DNAH5: variants seen among roughly 807,000 people sequenced by gnomAD.
DNAH5 encodes axonemal beta dynein heavy chain 5.
DNAH5 carries 372 observed loss-of-function variants against 518.2 expected under a neutral mutation model. The observed-to-expected ratio is 0.72, with a 90% CI of 0.66 to 0.78. The LOEUF is 0.78. DNAH5 is among the 30% of genes least tolerant of loss of function. The pLI is 0.00. For missense variants in DNAH5, 5,523 were observed against 5,687.0 expected (o/e 0.97, Z 0.93); for synonymous variants, 2,039 against 2,025.9 (o/e 1.01, Z -0.17).
At position 13,776,451 on chromosome 5, in the gene DNAH5, C is replaced by T; in HGVS notation, c.9361G>A (p.Ala3121Thr). The T allele has an allele frequency of 6.2e-7, 1 of 1,613,738 alleles. No individual in the cohort carries two copies. The highest frequency in any genetic ancestry group is 8.5e-7 in the Non-Finnish European group (1 of 1,179,720). The change falls in exon 55 of 79, where the codon GCT (alanine) becomes ACT (threonine). Residue 3121 changes from alanine (A) to threonine (T), a missense_variant. Around this residue, in one of 3 missense-constraint regions of DNAH5, gnomAD observed 5,121 missense variants for 5,223.3 expected, o/e 0.98. Transcript: ENST00000265104. ...IDWFSRWPKD[A>T]LVAVSEHFLT... ...TTTCCATACTAACCAGCAACTAAAG[C>T]ATCTTTGGGCCATCGGCTGAACCAG... is the stretch of plus-strand genomic sequence containing the variant.
chr5:13,976,284 C>G (rs1338477215), intron 1 of DNAH5, among the ~76,000 whole-genome samples: 3 of 152,188 alleles, frequency 2.0e-5, no homozygotes, highest in Non-Finnish European at 4.4e-5. Context: ...CTGCAGCCAA[C>G]AGTTGTCCAA....
chr5:14,007,648 G>T (rs925796937), intron 1 of DNAH5, among the ~76,000 whole-genome samples: 2 of 152,118 alleles, frequency 1.3e-5, no homozygotes, highest in Admixed American at 1.3e-4. Context: ...ATAAGAATCT[G>T]ACAACTATCA....
chr5:13,873,059 A>G (rs1378137182), intron 22 of DNAH5, among the ~76,000 whole-genome samples: 4 of 152,190 alleles, frequency 2.6e-5, no homozygotes, highest in Non-Finnish European at 5.9e-5. Context: ...CTTGGCCACT[A>G]TGCAATCTAT....
intron 5 of DNAH5, among the ~76,000 whole-genome samples, chr5:13,921,742 C>T (rs1294180277): frequency 2.0e-5 from 2 of 102,502 alleles, no homozygotes; most frequent in East Asian, 8.8e-4. Context: ...CATCTGCCGC[C>T]CACACACACC....
intron 1 of DNAH5, among the ~76,000 whole-genome samples, chr5:13,963,564 C>T (rs190473183): frequency 2.8e-4 from 40 of 141,846 alleles, no homozygotes; most frequent in African/African-American, 1.1e-3. Context: ...GGCAACAAAG[C>T]GAGACTCTAT....
intron 1 of DNAH5, among the ~76,000 whole-genome samples, chr5:13,976,925 G>T (rs1782305717): frequency 6.6e-6 from 1 of 152,166 alleles, no homozygotes; most frequent in South Asian, 2.1e-4. Context: ...TATTGGTCTG[G>T]TTATATAAAA....
At chr5:13,780,653 G>A (rs1425162033) in intron 53 of DNAH5, among the ~76,000 whole-genome samples, 176 bp downstream of exon 53, 3 of 152,178 alleles carry the variant, frequency 2.0e-5, no homozygotes, top group African/African-American at 4.8e-5. Flanking sequence ...AATTATGACT[G>A]TGAAATGTTT....
chr5:13,862,078 G>C (rs751348795), intron 29 of DNAH5, among the ~76,000 whole-genome samples: 1 of 151,258 alleles, frequency 6.6e-6, no homozygotes, highest in South Asian at 2.1e-4. Flanking sequence ...AAGGTTTTTC[G>C]AGTAAAATGA....
rs374559122 is a variant in DNAH5 at position 13,866,320 on chromosome 5, G to T, written c.4054-38C>A. On this transcript the variant is annotated intron_variant, in intron 25 of 78. Transcript: ENST00000265104. ...TAAAAAAAGAAAAATAGAAGGAAGT[G>T]TTTGCATATAAATTTCATGAACTCA... 9.7e-6 allele frequency: 15 copies of T among 1,553,208 alleles called. No individual in the cohort carries two copies. In the African/African-American group the frequency reaches 1.6e-4, roughly 17 times the overall value.
rs2151992686 is a variant in DNAH5 at position 13,920,544 on chromosome 5, T to C, written c.734A>G (p.Asn245Ser). The change falls in exon 6 of 79, where the codon AAT becomes AGT. Residue 245 changes from asparagine to serine, a missense_variant. Physicochemically the swap from Asn to Ser is conservative, Grantham distance 46. Transcript: ENST00000265104. ...KEPTDYLTLA[N>S]NPETLGKIED... ...TATTTTTCCCAAAGTCTCAGGGTTATTTGCTAGAGTCAAGTAGTCCGTAGG... is the reference window on the plus strand; with the variant it reads ...TATTTTTCCCAAAGTCTCAGGGTTACTTGCTAGAGTCAAGTAGTCCGTAGG... 6.2e-7 allele frequency: 1 copy of C among 1,614,204 alleles called. No individual in the cohort carries two copies. Among genetic ancestry groups the C allele is most frequent in the South Asian group, 1.1e-5 (1 of 91,084 alleles).
intron 75 of DNAH5, among the ~76,000 whole-genome samples, chr5:13,712,887 G>C (rs888519768): frequency 6.6e-6 from 1 of 152,044 alleles, no homozygotes; most frequent in Non-Finnish European, 1.5e-5. Flanking sequence ...ATGTAAACTA[G>C]AACAGCCACT....
upstream of DNAH5, among the ~76,000 whole-genome samples, chr5:13,946,161 A>G (rs1051528672): frequency 6.6e-6 from 1 of 152,162 alleles, no homozygotes; most frequent in Non-Finnish European, 1.5e-5. Flanking sequence ...CATTAGTTAC[A>G]TTTGAATCGG....
At chr5:13,945,465 A>G (rs909859863), upstream of DNAH5, among the ~76,000 whole-genome samples, 2 of 152,236 alleles carry the variant, frequency 1.3e-5, no homozygotes, top group Non-Finnish European at 2.9e-5. Context: ...GTTTCAGAAC[A>G]TGGAGATTCA....
intron 1 of DNAH5, among the ~76,000 whole-genome samples, chr5:13,956,497 T>C (rs999593885): frequency 6.6e-6 from 1 of 152,248 alleles, no homozygotes; most frequent in East Asian, 1.9e-4. Flanking sequence ...TTTTTGTTAT[T>C]GTCTTTTATC....
chr5:13,893,728 T>G (rs1773554600), intron 16 of DNAH5, among the ~76,000 whole-genome samples: 1 of 152,118 alleles, frequency 6.6e-6, no homozygotes, highest in African/African-American at 2.4e-5. Flanking sequence ...ATCAAGTCTC[T>G]GGTCCCAAAT....
intron 1 of DNAH5, among the ~76,000 whole-genome samples, chr5:13,989,878 T>C (rs554312944): frequency 6.6e-6 from 1 of 152,266 alleles, no homozygotes; most frequent in Non-Finnish European, 1.5e-5. Flanking sequence ...CTTGTCTTAT[T>C]TTCAGTCACT....
Position 13,871,697 on chromosome 5 carries a change from G to A in DNAH5, c.3465C>T (p.Ala1155=), listed in dbSNP as rs765054817. Residue 1155 remains alanine, a synonymous_variant, in exon 23 of 79, where the codon GCC becomes GCT. Coordinates refer to ENST00000265104, the MANE Select transcript of DNAH5 (RefSeq NM_001369.3). ...NHIWQKGKEE[A]IKTFITQSPL... ...GGCTCTGTGTAATAAATGTCTTAAT[G>A]GCTTCTTCTTTTCCCTTTTGCCAAA... 3 of 1,613,716 alleles carry A rather than the reference G, an allele frequency of 1.9e-6. No homozygotes were observed. The Admixed American group carries it at 5.0e-5, about 27-fold the overall frequency.
chr5:13,949,314 G>A (rs982158562), upstream of DNAH5, among the ~76,000 whole-genome samples: 5 of 151,944 alleles, frequency 3.3e-5, no homozygotes, highest in Admixed American at 3.3e-4. Flanking sequence ...TTATACAATT[G>A]CAATTTTAAA....
chr5:13,922,535 T>C lies in DNAH5; in HGVS notation c.439-207A>G, dbSNP rs146255642. On this transcript the variant is annotated intron_variant, in intron 4 of 78. Coordinates refer to ENST00000265104, the MANE Select transcript of DNAH5 (RefSeq NM_001369.3). ...TGAGGTCAGGTGTTCGAGACCAGCC[T>C]GGGCAACATGGTGAAACCCCATCTC... Among the ~76,000 whole-genome samples, 2,288 of 152,108 alleles carry C rather than the reference T, an allele frequency of 0.015. 55 individuals are homozygous for C. The highest frequency in any genetic ancestry group is 0.053 in the African/African-American group (2,191 of 41,486).
Sources: allele counts gnomAD v4.1 joint callset (sites outside exome capture counted in the v4.1 genomes callset), GRCh38; gene constraint gnomAD v4.1.1; regional missense constraint gnomAD v4.1.1; transcripts MANE v1.5; gene names NCBI Gene and HGNC (gene_info 2026-07-23, HGNC 2026-07-21).